The following ILDR2 variants were observed in gnomAD, a reference collection of about 807,000 sequenced individuals.
The protein encoded by ILDR2 is immunoglobulin-like domain-containing receptor 2.
Under a neutral mutation model 66.8 loss-of-function variants are expected in ILDR2, and 25 were observed. The observed-to-expected ratio is 0.37, with a 90% CI of 0.27 to 0.52. ILDR2 has a LOEUF of 0.52. ILDR2 is among the 20% of genes least tolerant of loss of function. The pLI is 0.88. For missense variants in ILDR2, 827 were observed against 876.8 expected (o/e 0.94, Z 0.72); for synonymous variants, 367 against 357.2 (o/e 1.03, Z -0.31).
At chr1:166,899,652 TTTC>T (rs1189888406) in intron 2 of ILDR2, among the ~76,000 whole-genome samples, 1 of 152,232 alleles carries the variant, frequency 6.6e-6, no homozygotes, top group African/African-American at 2.4e-5. Flanking sequence ...AAATCAAATA[TTTC>T]TTCATGTTTT....
At position 166,943,694 on chromosome 1, in the gene ILDR2, A is replaced by G. The variant is rs140065647; in HGVS notation, c.500-4124T>C. 9.4e-4 allele frequency: 300 copies of G among 320,488 alleles called. 1 individual carries two copies. Among genetic ancestry groups the G allele is most frequent in the African/African-American group, 6.0e-3 (269 of 44,640 alleles). The allele number at this position is 320,488 out of a possible 1,614,324, so 19.9% of individuals were successfully genotyped here. Reference sequence around the variant, plus strand: ...TTAGAAATGCTTTATCTTTTCTTCTATCATATCCAATGAAGGCCTGATCTT... The same window carrying G: ...TTAGAAATGCTTTATCTTTTCTTCTGTCATATCCAATGAAGGCCTGATCTT... On this transcript the variant is annotated intron_variant, in intron 3 of 9. Coordinates refer to ENST00000271417, the MANE Select transcript of ILDR2 (RefSeq NM_199351.3).
At position 166,922,628 on chromosome 1, in the gene ILDR2, C is replaced by A. The variant is rs141384247; in HGVS notation, c.1176G>T (p.Glu392Asp). The A allele has an allele frequency of 1.2e-6, 2 of 1,614,178 alleles. No individual in the cohort carries two copies. The highest frequency in any genetic ancestry group is 1.7e-6 in the Non-Finnish European group (2 of 1,180,044). The part of the protein sequence containing the change: ...SGASRGPSAM[E>D]YNKEDRESFR... ...AGCTCTCTCGATCCTCTTTGTTATA[C>A]TCCATGGCTGAGGGCCCGCGGCTTG... The change falls in exon 8 of 10, where the codon GAG becomes GAT. Residue 392 changes from glutamate to aspartate, a missense_variant. Glu to Asp is a conservative substitution (Grantham distance 45, BLOSUM62 2). Around this residue, in one of 2 missense-constraint regions of ILDR2, gnomAD observed 437 missense variants for 523.2 expected, o/e 0.84. Coordinates refer to ENST00000271417, the MANE Select transcript of ILDR2 (RefSeq NM_199351.3).
At chr1:166,929,612 C>G (rs1289634296) in intron 6 of ILDR2, among the ~76,000 whole-genome samples, 1 of 152,164 alleles carries the variant, frequency 6.6e-6, no homozygotes, top group South Asian at 2.1e-4. Flanking sequence ...AGAGTTTTCC[C>G]CTCTAGACTG....
rs1020097752 is a variant in ILDR2 at position 166,921,307 on chromosome 1, G to A, written c.1284C>T (p.Asp428=). The A allele has an allele frequency of 3.8e-6, 6 of 1,593,768 alleles. No individual in the cohort carries two copies. Among genetic ancestry groups the A allele is most frequent in the South Asian group, 1.1e-5 (1 of 89,872 alleles). Residue 428 remains aspartate, a synonymous_variant, in exon 9 of 10, where the codon GAC becomes GAT. Transcript: ENST00000271417. This position sits in a 1 kb window ranked among gnomAD's most constrained non-coding sequence, Gnocchi z 5.3. ...AGGAGTCAGCGAAGGCCGCCAGCTCGTCCATGGAAACGGCCGGCACCCCCG... is the reference window on the plus strand; with the variant it reads ...AGGAGTCAGCGAAGGCCGCCAGCTCATCCATGGAAACGGCCGGCACCCCCG... The part of the protein sequence containing the change: ...FATGVPAVSM[D]ELAAFADSYG...
chr1:166,948,155 T>G (rs1353155233), intron 3 of ILDR2, among the ~76,000 whole-genome samples: 4 of 151,904 alleles, frequency 2.6e-5, no homozygotes, highest in Admixed American at 2.0e-4. Context: ...GTTCAGCAGG[T>G]GGAGGTGAGC....
rs1158345982 is a variant in ILDR2 at position 166,939,627 on chromosome 1, G to C, written c.500-57C>G. On this transcript the variant is annotated intron_variant, in intron 3 of 9. Transcript: ENST00000271417. ...AGTGGTTATTCCAAGGGAAAACATA[G>C]CCTAAAGCCTGGCTCCAGTTGGTAC... 7 of 1,493,380 alleles carry C rather than the reference G, an allele frequency of 4.7e-6. No individual in the cohort carries two copies. The East Asian group carries it at 1.1e-4, about 24-fold the overall frequency. The allele number at this position is 1,493,380 out of a possible 1,614,324, so 92.5% of individuals were successfully genotyped here.
chr1:166,952,984 A>G lies in ILDR2; in HGVS notation c.499+3749T>C, dbSNP rs150151143. ...TTATTACAGAACAATTTTATAAACT[A>G]CAACTTATTTTCAGTGTACATTAGT... On this transcript the variant is annotated intron_variant, in intron 3 of 9. Coordinates refer to ENST00000271417, the MANE Select transcript of ILDR2 (RefSeq NM_199351.3). Among the ~76,000 whole-genome samples, 3 of 152,308 alleles carry G rather than the reference A, an allele frequency of 2.0e-5. No individual in the cohort carries two copies. In the East Asian group the frequency reaches 5.8e-4, roughly 29 times the overall value.
Position 166,957,792 on chromosome 1 carries a change from C to T in ILDR2, c.356G>A (p.Gly119Asp), listed in dbSNP as rs1662369739. 1.9e-6 allele frequency: 3 copies of T among 1,613,486 alleles called. No homozygotes were observed. Among genetic ancestry groups the T allele is most frequent in the Admixed American group, 1.7e-5 (1 of 60,002 alleles). Residue 119 changes from glycine to aspartate, a missense_variant, in exon 2 of 10, where the codon GGC becomes GAC. Transcript: ENST00000271417. ...STVTLGDFYRGREITIVHDAD... is the reference protein window; with the variant it reads ...STVTLGDFYRDREITIVHDAD... ...ACCATGAACAATCGTGATCTCTCTG[C>T]CCCTGTAGAAATCTCCCAGGGTGAC...
downstream of ILDR2, among the ~76,000 whole-genome samples, chr1:166,907,814 G>A (rs563793229): frequency 2.0e-4 from 30 of 152,226 alleles, no homozygotes; most frequent in East Asian, 5.4e-3. Context: ...CAAATTAAAT[G>A]GGAGCTCACC....
intron 3 of ILDR2, among the ~76,000 whole-genome samples, chr1:166,940,410 T>C (rs1383535837): frequency 6.6e-6 from 1 of 152,160 alleles, no homozygotes; most frequent in East Asian, 1.9e-4. Flanking sequence ...CAAGGTGAAG[T>C]CCTGTTATGA....
rs553193689 is a variant in ILDR2 at position 166,911,110 on chromosome 1, CTTAACAA to C, written c.*8238_*8244del. On this transcript the variant is annotated 3_prime_UTR_variant, in exon 10 of 10. Coordinates refer to ENST00000271417, the MANE Select transcript of ILDR2 (RefSeq NM_199351.3). ...TACATCCATAATTTATTTGGCCACTCTTAACAATTAACAGCCTTCTGTTCACTCTTAA... is the reference window on the plus strand; with the variant it reads ...TACATCCATAATTTATTTGGCCACTCTTAACAGCCTTCTGTTCACTCTTAA... 1.3e-5 allele frequency: 2 copies of C among 152,196 alleles called. No individual in the cohort carries two copies. The highest frequency in any genetic ancestry group is 2.9e-5 in the Non-Finnish European group (2 of 68,042). The allele number at this position is 152,196 out of a possible 1,614,324, so 9.4% of individuals were successfully genotyped here.
At chr1:166,935,264 G>T (rs1316540079) in intron 6 of ILDR2, 37 bp downstream of exon 6, 1 of 1,611,162 alleles carries the variant, frequency 6.2e-7, no homozygotes, top group Admixed American at 1.7e-5. Context: ...GGGGGCCCGA[G>T]ACAAGCATGG....
chr1:166,923,488 A>G (rs1660084249), intron 7 of ILDR2, among the ~76,000 whole-genome samples: 1 of 152,266 alleles, frequency 6.6e-6, no homozygotes, highest in South Asian at 2.1e-4. Flanking sequence ...GCCTACTTCC[A>G]GCACTTGGGC....
At chr1:166,974,499 C>T (rs565995924) in intron 1 of ILDR2, among the ~76,000 whole-genome samples, 1 of 152,374 alleles carries the variant, frequency 6.6e-6, no homozygotes, top group East Asian at 1.9e-4. Context: ...GACTTTGATG[C>T]TGGGGAGAAG....
intron 2 of ILDR2, among the ~76,000 whole-genome samples, chr1:166,901,959 C>G (rs1659272202): frequency 6.6e-6 from 1 of 152,240 alleles, no homozygotes; most frequent in African/African-American, 2.4e-5. Flanking sequence ...CTCCCGGGTT[C>G]AGGCGATTCT....
intron 1 of ILDR2, among the ~76,000 whole-genome samples, chr1:166,965,074 C>G (rs1662852007): frequency 6.6e-6 from 1 of 152,082 alleles, no homozygotes; most frequent in Non-Finnish European, 1.5e-5. Flanking sequence ...CTCACCCACC[C>G]CTTAACTCTT....
At chr1:166,937,126 G>A (rs1286394234) in intron 4 of ILDR2, among the ~76,000 whole-genome samples, 1 of 152,170 alleles carries the variant, frequency 6.6e-6, no homozygotes, top group South Asian at 2.1e-4. Flanking sequence ...GCTGGGCTAC[G>A]AAGTGGTGGG....
intron 2 of ILDR2, among the ~76,000 whole-genome samples, chr1:166,898,265 C>T (rs74119510): frequency 0.016 from 2,402 of 152,276 alleles, 61 homozygotes; most frequent in African/African-American, 0.055. Flanking sequence ...GAGACAAAGA[C>T]TTAGAAGTGT....
rs1317632476 is a variant in ILDR2 at position 166,914,126 on chromosome 1, AAAAAG to A, written c.*5224_*5228del. 3.9e-5 allele frequency: 6 copies of A among 152,624 alleles called. No homozygotes were observed. The highest frequency in any genetic ancestry group is 8.8e-5 in the Non-Finnish European group (6 of 68,542). The allele number at this position is 152,624 out of a possible 1,614,324, so 9.5% of individuals were successfully genotyped here. ...AGCAAGACCCTGTCTCAAAAAAAAA[AAAAAG>A]AAAGAAAAAGAAAACGAAACTCTCC... On this transcript the variant is annotated 3_prime_UTR_variant, in exon 10 of 10. Transcript: ENST00000271417.
Sources: gnomAD v4.1 joint callset for allele counts (sites outside exome capture counted in the v4.1 genomes callset) on GRCh38, gnomAD v4.1.1 for gene constraint, gnomAD v4.1.1 regional missense constraint, Gnocchi (gnomAD v3.1) non-coding constraint, MANE v1.5 for transcripts, NCBI Gene and HGNC (gene_info 2026-07-23, HGNC 2026-07-21) for gene names.